The following TRPM8 variants were observed in gnomAD, a reference collection of about 807,000 sequenced individuals.
TRPM8 encodes the protein TRPM8 cationic channel.
Under a neutral mutation model 133.7 loss-of-function variants are expected in TRPM8, and 110 were observed. The observed-to-expected ratio is 0.82, with a 90% confidence interval of 0.70 to 0.96. The LOEUF is 0.96. Among genes scored for constraint, TRPM8 ranks in the 40% least tolerant of loss-of-function variants. The pLI is 0.00. For missense variants in TRPM8, 1,291 were observed against 1,379.5 expected (o/e 0.94, Z 1.02); for synonymous variants, 535 against 532.3 (o/e 1.01, Z -0.07).
Position 233,963,327 on chromosome 2 carries a change from T to C in TRPM8, c.1699T>C (p.Trp567Arg). 1 of 1,613,650 alleles carries C rather than the reference T, an allele frequency of 6.2e-7. No individual in the cohort carries two copies. The highest frequency in any genetic ancestry group is 8.5e-7 in the Non-Finnish European group (1 of 1,179,782). ...TRHPLQALFI[W>R]AILQNKKELS... ...GCACCCCCTGCAAGCTCTCTTCATC[T>C]GGGCCATTCTTCAGAATAAGAAGGA... The change falls in exon 13 of 26, where the codon TGG (tryptophan) becomes CGG (arginine). Residue 567 changes from tryptophan to arginine, a missense_variant. This residue lies in a region of TRPM8 where 963 missense variants were observed against 968.9 expected (regional missense o/e 0.99). Coordinates refer to ENST00000324695, the MANE Select transcript of TRPM8 (RefSeq NM_024080.5).
intron 2 of TRPM8, among the ~76,000 whole-genome samples, chr2:233,927,924 T>TTCTCTCTCTCTC (rs1178731456): frequency 1.1e-4 from 3 of 28,052 alleles, no homozygotes; most frequent in Non-Finnish European, 1.6e-4. Flanking sequence ...CTCTCTCTCT[T>TTCTCTCTCTCTC]TCTCTCTCTC....
chr2:233,983,289 CA>C, intron 20 of TRPM8, 65 bp downstream of exon 20: 1 of 1,599,304 alleles, frequency 6.3e-7, no homozygotes, highest in Non-Finnish European at 8.6e-7. Flanking sequence ...AACCAACCCC[CA>C]GGGCTGCCCC....
chr2:233,955,284 T>C (rs200176182), intron 11 of TRPM8, 34 bp downstream of exon 11: 59 of 1,541,010 alleles, frequency 3.8e-5, no homozygotes, highest in Middle Eastern at 1.7e-4. Flanking sequence ...TATTCCAGTG[T>C]TGGGTCTGGA....
In TRPM8 at chr2:233,985,743, G is replaced by A; in HGVS notation, c.2817G>A (p.Leu939=). Residue 939 remains leucine, a synonymous_variant, in exon 21 of 26, where the codon CTG becomes CTA. Transcript: ENST00000324695. ...TCACTGGGAATGAGTCCAAGCCACT[G>A]TGTGTGGAGCTGGATGAGCACAACC... ...CTFTGNESKP[L]CVELDEHNLP... 6.2e-7 allele frequency: 1 copy of A among 1,614,242 alleles called. No individual in the cohort carries two copies. Among genetic ancestry groups the A allele is most frequent in the Non-Finnish European group, 8.5e-7 (1 of 1,180,046 alleles).
Position 233,964,754 on chromosome 2 carries a change from GT to G in TRPM8, c.1878del (p.Glu627SerfsTer157). ...GGCTAATGAGTACGAGACCCGGGCT[GT>G]TGGTGAGTCCACAGTGTGGAATGCT... ...ELANEYETRA[V>X]ELFTECYSSD... is the part of the protein sequence containing the mutation. On this transcript the variant is annotated frameshift_variant and splice_region_variant, in exon 14 of 26. Coordinates refer to ENST00000324695, the MANE Select transcript of TRPM8 (RefSeq NM_024080.5). LOFTEE classifies it high-confidence loss of function. 4 of 1,610,702 alleles carry G rather than the reference GT, an allele frequency of 2.5e-6. No homozygotes were observed. Among genetic ancestry groups the G allele is most frequent in the Non-Finnish European group, 3.4e-6 (4 of 1,177,698 alleles).
chr2:233,984,413 C>T (rs1391599440), intron 20 of TRPM8, among the ~76,000 whole-genome samples: 1 of 152,212 alleles, frequency 6.6e-6, no homozygotes, highest in Non-Finnish European at 1.5e-5. Flanking sequence ...CAGACCCAAA[C>T]TTCCCCCGAT....
intron 22 of TRPM8, among the ~76,000 whole-genome samples, chr2:234,005,233 G>A (rs370824634): frequency 2.1e-4 from 32 of 151,840 alleles, no homozygotes; most frequent in East Asian, 1.7e-3. Context: ...TTGCCCCCTC[G>A]TATGGGAGAC....
chr2:234,009,359 G>A (rs1045159609), intron 24 of TRPM8, among the ~76,000 whole-genome samples: 1 of 152,182 alleles, frequency 6.6e-6, no homozygotes, highest in African/African-American at 2.4e-5. Context: ...AGCCATCTTA[G>A]GGTTTGGGCA....
chr2:233,985,565 G>C, intron 20 of TRPM8, 123 bp from the exon 21 acceptor site: 1 of 858,362 alleles, frequency 1.2e-6, no homozygotes, highest in South Asian at 1.6e-5. Context: ...TTTGGACAAA[G>C]TGCCTTAGAC....
chr2:233,972,747 G>A (rs1691762186), intron 17 of TRPM8, among the ~76,000 whole-genome samples: 1 of 152,186 alleles, frequency 6.6e-6, no homozygotes, highest in Admixed American at 6.5e-5. Flanking sequence ...GGGCAGGGCC[G>A]GCCGGCTGCT....
At chr2:233,957,589 A>G (rs1477243914) in intron 11 of TRPM8, among the ~76,000 whole-genome samples, 1 of 152,238 alleles carries the variant, frequency 6.6e-6, no homozygotes, top group Non-Finnish European at 1.5e-5. Flanking sequence ...AATATAGAAT[A>G]TAGAATTACA....
At chr2:233,941,675 T>G (rs571703114) in intron 5 of TRPM8, among the ~76,000 whole-genome samples, 36 of 152,286 alleles carry the variant, frequency 2.4e-4, no homozygotes, top group Middle Eastern at 6.8e-3. Flanking sequence ...ATTTCCAACT[T>G]TAGATTCAGT....
At chr2:233,934,114 A>C (rs927034417) in intron 3 of TRPM8, among the ~76,000 whole-genome samples, 3 of 152,200 alleles carry the variant, frequency 2.0e-5, no homozygotes, top group Non-Finnish European at 4.4e-5. Context: ...CAACTACCTA[A>C]ACTTAAAGAG....
At chr2:233,959,272 C>T (rs1029295286) in intron 11 of TRPM8, among the ~76,000 whole-genome samples, 9 of 151,702 alleles carry the variant, frequency 5.9e-5, no homozygotes, top group East Asian at 1.9e-4. Flanking sequence ...GTGATCCACC[C>T]GCTTCAGCCT....
chr2:233,956,542 G>C (rs925647750), intron 11 of TRPM8, among the ~76,000 whole-genome samples: 1 of 152,108 alleles, frequency 6.6e-6, no homozygotes, highest in African/African-American at 2.4e-5. Context: ...TCATTAGGGG[G>C]CCGTGATAAT....
intron 24 of TRPM8, among the ~76,000 whole-genome samples, chr2:234,014,203 T>G (rs944220887): frequency 2.0e-5 from 3 of 152,298 alleles, no homozygotes; most frequent in African/African-American, 7.2e-5. Context: ...ACTTAATTAG[T>G]ATCTTATACT....
At chr2:233,944,860 T>G (rs1691003943) in intron 6 of TRPM8, among the ~76,000 whole-genome samples, 1 of 152,222 alleles carries the variant, frequency 6.6e-6, no homozygotes, top group East Asian at 1.9e-4. Context: ...TTACATATAT[T>G]AACTCATTTG....
intron 5 of TRPM8, among the ~76,000 whole-genome samples, chr2:233,942,163 T>A (rs1690923882): frequency 7.1e-6 from 1 of 140,216 alleles, no homozygotes; most frequent in Non-Finnish European, 1.5e-5. Flanking sequence ...CACTGCAACC[T>A]CTGCCTCCCG....
chr2:233,921,677 CTTTTTTT>C (rs11373529), intron 1 of TRPM8, among the ~76,000 whole-genome samples: 1 of 106,660 alleles, frequency 9.4e-6, no homozygotes, highest in Non-Finnish European at 1.9e-5. Flanking sequence ...CTTTTCTTTT[CTTTTTTT>C]TTTTTTTTTT....
Sources: gnomAD v4.1 joint callset for allele counts (sites outside exome capture counted in the v4.1 genomes callset) on GRCh38, gnomAD v4.1.1 for gene constraint, gnomAD v4.1.1 regional missense constraint, MANE v1.5 for transcripts, NCBI Gene and HGNC (gene_info 2026-07-23, HGNC 2026-07-21) for gene names.